The following KDM6A variants were observed in gnomAD, a reference collection of about 807,000 sequenced individuals.
KDM6A encodes lysine demethylase 6A, also known as lysine-specific demethylase 6A.
In KDM6A, 11 loss-of-function variants were observed where a neutral mutation model predicts 117.6. That is an observed-to-expected ratio of 0.09 (90% CI 0.06 to 0.15). The LOEUF is 0.15. Ranked by LOEUF, KDM6A falls within the 10% of genes least tolerant of loss-of-function variation. The pLI, the probability that KDM6A is intolerant of heterozygous loss-of-function variation, is 1.00. For missense variants in KDM6A, 799 were observed against 1,077.3 expected (o/e 0.74, Z 3.62); for synonymous variants, 384 against 396.1 (o/e 0.97, Z 0.36).
intron 13 of KDM6A, 22 bp from the exon 14 acceptor site, chrX:45,060,587 G>T (rs1435920908): frequency 2.9e-6 from 3 of 1,030,441 alleles, no homozygotes; most frequent in Admixed American, 6.4e-5. Flanking sequence ...CCCTATTTTT[G>T]TCTTCCTTCT....
chrX:45,061,983 C>G (rs1398664152), intron 15 of KDM6A, among the ~76,000 whole-genome samples: 1 of 108,276 alleles, frequency 9.2e-6, no homozygotes, highest in Non-Finnish European at 1.9e-5. Flanking sequence ...AAGTTTTCTT[C>G]TAACTCTGGC....
intron 19 of KDM6A, among the ~76,000 whole-genome samples, 194 bp downstream of exon 19, chrX:45,077,020 A>G (rs1047493698): frequency 1.8e-5 from 2 of 110,850 alleles, no homozygotes; most frequent in African/African-American, 3.3e-5. Flanking sequence ...CTTCTCAGCT[A>G]TTAACTGTGA....
At chrX:45,000,558 C>T (rs147605752) in intron 4 of KDM6A, among the ~76,000 whole-genome samples, 35 of 112,475 alleles carry the variant, frequency 3.1e-4, no homozygotes, top group African/African-American at 1.1e-3. Flanking sequence ...AATACCACCA[C>T]ACATCTGCTC....
At chrX:45,006,162 C>T (rs1289904122) in intron 4 of KDM6A, among the ~76,000 whole-genome samples, 3 of 77,406 alleles carry the variant, frequency 3.9e-5, no homozygotes, top group East Asian at 1.1e-3. Context: ...CCCAGCCCTG[C>T]GCCCCCCCCC....
chrX:45,094,346 A>G (rs1376565270), intron 27 of KDM6A, among the ~76,000 whole-genome samples: 1 of 111,809 alleles, frequency 8.9e-6, no homozygotes, highest in East Asian at 2.8e-4. Context: ...AAAACTGTGC[A>G]TTCTGGGGAA....
In KDM6A at chrX:45,063,409, G is replaced by GT. The variant is rs751960530; in HGVS notation, c.1684-6dup. ...CACAACCAGCATTTACTTTTCCTTTGTTTTTTTGACAGATGAGACCAACAG... is the reference window on the plus strand; with the variant it reads ...CACAACCAGCATTTACTTTTCCTTTGTTTTTTTTGACAGATGAGACCAACAG... On this transcript the variant is annotated splice_polypyrimidine_tract_variant and intron_variant, in intron 16 of 29. Transcript: ENST00000611820. The GT allele has an allele frequency of 1.1e-5, 13 of 1,198,132 alleles. No individual in the cohort carries two copies. The highest frequency in any genetic ancestry group is 1.3e-5 in the Non-Finnish European group (12 of 892,782).
intron 6 of KDM6A, among the ~76,000 whole-genome samples, chrX:45,033,516 G>A (rs1320602736): frequency 9.0e-6 from 1 of 111,518 alleles, no homozygotes; most frequent in Non-Finnish European, 1.9e-5. Flanking sequence ...AATATTACAA[G>A]TGTTGGTCAG....
intron 4 of KDM6A, among the ~76,000 whole-genome samples, chrX:45,008,011 T>G (rs972669237): frequency 1.8e-5 from 2 of 111,669 alleles, no homozygotes; most frequent in African/African-American, 6.5e-5. Context: ...AAGACCAAAT[T>G]TAGAGGTTGG....
intron 8 of KDM6A, among the ~76,000 whole-genome samples, chrX:45,041,113 C>T (rs1192387212): frequency 2.6e-5 from 2 of 75,836 alleles, no homozygotes; most frequent in South Asian, 7.5e-4. Flanking sequence ...GGTGGCTGGC[C>T]GGGCGGGGGG....
rs148841559 is a variant in KDM6A, at chrX:44,874,083, A to G, written c.225+96A>G. ...GGCCGGGTCTGTGCTCATTGTGGCC[A>G]CGGACGATGGTCGAGGGGCTTCCGG... On this transcript the variant is annotated intron_variant, in intron 2 of 29. Coordinates refer to ENST00000611820, the MANE Select transcript of KDM6A (RefSeq NM_001291415.2). The G allele has an allele frequency of 3.8e-3, 3,117 of 819,248 alleles. 62 individuals carry two copies. The African/African-American group carries it at 0.054, about 14-fold the overall frequency. The allele number at this position is 819,248 out of a possible 1,213,427, so 67.5% of individuals were successfully genotyped here. A position where few individuals can be genotyped will look rare whatever the true frequency, so the allele number is the denominator to read the frequency against.
At chrX:45,003,529 G>C (rs913076969) in intron 4 of KDM6A, among the ~76,000 whole-genome samples, 5 of 109,574 alleles carry the variant, frequency 4.6e-5, no homozygotes, top group Admixed American at 9.7e-5. Flanking sequence ...GGAAGGCTAC[G>C]AGTTGTCAGT....
At chrX:44,960,900 G>A (rs1184708970) in intron 2 of KDM6A, among the ~76,000 whole-genome samples, 3 of 111,760 alleles carry the variant, frequency 2.7e-5, no homozygotes, top group Non-Finnish European at 5.7e-5. Flanking sequence ...ATTCAATAAA[G>A]TTCTTCTCAC....
At chrX:44,980,092 G>A (rs1250769567) in intron 4 of KDM6A, among the ~76,000 whole-genome samples, 3 of 106,652 alleles carry the variant, frequency 2.8e-5, no homozygotes, top group African/African-American at 1.0e-4. Context: ...CGCCTCCCGG[G>A]TTCAAGTGAT....
intron 4 of KDM6A, among the ~76,000 whole-genome samples, chrX:44,986,542 G>T (rs2040237648): frequency 9.0e-6 from 1 of 111,426 alleles, no homozygotes; most frequent in Non-Finnish European, 1.9e-5. Context: ...TCTCTTGTGG[G>T]CATTTAGTGC....
At chrX:44,914,756 C>T (rs907018567) in intron 2 of KDM6A, among the ~76,000 whole-genome samples, 20 of 110,101 alleles carry the variant, frequency 1.8e-4, no homozygotes, top group African/African-American at 5.6e-4. Context: ...TAATACCACC[C>T]TTCTTATTTA....
intron 27 of KDM6A, among the ~76,000 whole-genome samples, chrX:45,104,183 C>T (rs1481913056): frequency 2.7e-5 from 3 of 111,662 alleles, no homozygotes; most frequent in Non-Finnish European, 5.6e-5. Flanking sequence ...TGCCACCACA[C>T]CTGGCTAATT....
At position 45,078,520 on chromosome X, in the gene KDM6A, A is replaced by C. The variant is rs749893250; in HGVS notation, c.3094+15A>C. On this transcript the variant is annotated intron_variant, in intron 20 of 29. Transcript: ENST00000611820. ...TCTTAAGTTAGGTAAGCCTTAAATT[A>C]AAAAAGGAAAACGTTTGTCTCTTTG... 3 of 1,164,097 alleles carry C rather than the reference A, an allele frequency of 2.6e-6. No individual in the cohort carries two copies. The Admixed American group carries it at 6.7e-5, about 26-fold the overall frequency.
intron 5 of KDM6A, among the ~76,000 whole-genome samples, chrX:45,016,510 T>C (rs758601716): frequency 9.1e-6 from 1 of 110,196 alleles, no homozygotes; most frequent in Non-Finnish European, 1.9e-5. Context: ...TTTGTTTATT[T>C]ATTTATTTGA....
chrX:45,060,722 G>A lies in KDM6A; in HGVS notation c.1443G>A (p.Leu481=). The part of the protein sequence containing the change: ...HMIPSSQVDD[L]SSPAKRKRTS... ...TTCCTTCTAGCCAAGTAGATGACCTGTCCAGTCCTGCCAAGAGGAAAAGAA... is the reference window on the plus strand; with the variant it reads ...TTCCTTCTAGCCAAGTAGATGACCTATCCAGTCCTGCCAAGAGGAAAAGAA... Residue 481 remains leucine (L), a synonymous_variant, in exon 14 of 30, where the codon CTG becomes CTA. Coordinates refer to ENST00000611820, the MANE Select transcript of KDM6A (RefSeq NM_001291415.2). The A allele has an allele frequency of 9.4e-7, 1 of 1,066,648 alleles. No individual in the cohort carries two copies. The highest frequency in any genetic ancestry group is 1.2e-6 in the Non-Finnish European group (1 of 808,247). The allele number at this position is 1,066,648 out of a possible 1,213,427, so 87.9% of individuals were successfully genotyped here. A position where few individuals can be genotyped will look rare whatever the true frequency, so the allele number is the denominator to read the frequency against.
Sources: gnomAD v4.1 joint callset for allele counts (sites outside exome capture counted in the v4.1 genomes callset) on GRCh38, gnomAD v4.1.1 for gene constraint, MANE v1.5 for transcripts, NCBI Gene and HGNC (gene_info 2026-07-23, HGNC 2026-07-21) for gene names.